CCDC63: variants seen among roughly 807,000 people sequenced by gnomAD.
The protein encoded by CCDC63 is coiled-coil domain containing 63.
Under a neutral mutation model 63.6 loss-of-function variants are expected in CCDC63, and 54 were observed. The ratio of observed to expected loss-of-function variants is 0.85; its 90% confidence interval spans 0.68 to 1.07. The LOEUF is 1.07. CCDC63 is among the 50% of genes least tolerant of loss of function. The pLI, the probability that CCDC63 is intolerant of heterozygous loss-of-function variation, is 0.00. For missense variants in CCDC63, 637 were observed against 689.6 expected (o/e 0.92, Z 0.86); for synonymous variants, 253 against 266.1 (o/e 0.95, Z 0.48).
intron 9 of CCDC63, among the ~76,000 whole-genome samples, chr12:110,895,156 C>G (rs1032545231): frequency 2.6e-5 from 4 of 152,096 alleles, no homozygotes; most frequent in African/African-American, 9.7e-5. Flanking sequence ...CTCTGTCGCC[C>G]AGGCTGGAAT....
At chr12:110,866,402 G>A (rs2070949336) in intron 4 of CCDC63, among the ~76,000 whole-genome samples, 1 of 149,438 alleles carries the variant, frequency 6.7e-6, no homozygotes, top group Non-Finnish European at 1.5e-5. Flanking sequence ...CATAGTGGAG[G>A]GAAGGTCAGC....
At chr12:110,875,326 A>G (rs1050684974) in intron 5 of CCDC63, among the ~76,000 whole-genome samples, 34 of 152,268 alleles carry the variant, frequency 2.2e-4, no homozygotes, top group Admixed American at 1.8e-3. Context: ...TGAAGGTCCC[A>G]TTGGTTAAGA....
chr12:110,867,072 C>G (rs1261759074), intron 4 of CCDC63, among the ~76,000 whole-genome samples: 1 of 140,856 alleles, frequency 7.1e-6, no homozygotes, highest in Non-Finnish European at 1.6e-5. Flanking sequence ...TAGGGGCGGC[C>G]GGGCAGAGGC....
chr12:110,879,666 A>G (rs975305623), intron 5 of CCDC63, among the ~76,000 whole-genome samples: 2 of 152,130 alleles, frequency 1.3e-5, no homozygotes, highest in South Asian at 4.1e-4. Flanking sequence ...TTAGGTCTAA[A>G]AGTAGTTGAG....
intron 4 of CCDC63, among the ~76,000 whole-genome samples, chr12:110,866,565 C>T (rs1392768198): frequency 6.8e-6 from 1 of 147,088 alleles, no homozygotes; most frequent in Non-Finnish European, 1.5e-5. Flanking sequence ...CAAAGCACAT[C>T]TTGCACCGCC....
At chr12:110,903,308 G>A (rs2071515202) in intron 10 of CCDC63, among the ~76,000 whole-genome samples, 1 of 152,184 alleles carries the variant, frequency 6.6e-6, no homozygotes, top group Admixed American at 6.5e-5. Context: ...CGGCCTGGAT[G>A]GTAATATTTT....
chr12:110,855,375 C>T (rs971130313), intron 3 of CCDC63, among the ~76,000 whole-genome samples: 23 of 152,144 alleles, frequency 1.5e-4, no homozygotes, highest in African/African-American at 5.1e-4. Flanking sequence ...TGACCTGATT[C>T]GCAAGCCTAC....
intron 4 of CCDC63, among the ~76,000 whole-genome samples, chr12:110,861,414 C>G (rs145309617): frequency 1.3e-5 from 2 of 152,352 alleles, no homozygotes; most frequent in East Asian, 3.9e-4. Context: ...CCCCCACCTG[C>G]TCTGTGTTCC....
At chr12:110,867,500 G>C (rs2070980963) in intron 4 of CCDC63, among the ~76,000 whole-genome samples, 1 of 95,750 alleles carries the variant, frequency 1.0e-5, no homozygotes, top group African/African-American at 4.5e-5. Flanking sequence ...CTCACCTCCG[G>C]GATGGGGCGG....
chr12:110,880,434 T>G (rs1178113405), intron 6 of CCDC63, among the ~76,000 whole-genome samples: 2 of 152,124 alleles, frequency 1.3e-5, no homozygotes, highest in Non-Finnish European at 2.9e-5. Context: ...CAAGTGCCCC[T>G]GCCTCTAGTC....
At chr12:110,884,984 A>G (rs2071260552) in intron 8 of CCDC63, among the ~76,000 whole-genome samples, 1 of 150,874 alleles carries the variant, frequency 6.6e-6, no homozygotes, top group Non-Finnish European at 1.5e-5. Flanking sequence ...TATAGATGTG[A>G]GCCACCACAC....
chr12:110,886,968 T>A (rs967820298), intron 8 of CCDC63, among the ~76,000 whole-genome samples: 4 of 152,170 alleles, frequency 2.6e-5, no homozygotes, highest in Non-Finnish European at 4.4e-5. Context: ...CAGCATCTCC[T>A]GCACAAGGAC....
chr12:110,858,887 C>T, intron 4 of CCDC63, 112 bp downstream of exon 4: 2 of 847,998 alleles, frequency 2.4e-6, no homozygotes, highest in Non-Finnish European at 3.7e-6. Context: ...CACAGTATCT[C>T]CTCTGGACAG....
intron 3 of CCDC63, among the ~76,000 whole-genome samples, chr12:110,854,899 A>G (rs976724782): frequency 1.3e-5 from 2 of 151,790 alleles, no homozygotes; most frequent in African/African-American, 4.8e-5. Flanking sequence ...CTCAGACTCA[A>G]GCGATTCTCC....
At position 110,882,566 on chromosome 12, in the gene CCDC63, TA is replaced by T. The variant is rs796427158; in HGVS notation, c.853+1281del. On this transcript the variant is annotated intron_variant, in intron 7 of 11. Transcript: ENST00000308208. ...GGTGACAGAGTGAGACCCTGTCTCT[TA>T]AAAAAAAAAAGGTTATCTCATAGTG... Among the ~76,000 whole-genome samples, 603 of 144,998 alleles carry T rather than the reference TA, an allele frequency of 4.2e-3. 1 individual carries two copies. The highest frequency in any genetic ancestry group is 9.2e-3 in the African/African-American group (367 of 39,800).
intron 6 of CCDC63, among the ~76,000 whole-genome samples, chr12:110,880,772 AATG>A (rs1165167618): frequency 3.8e-5 from 2 of 52,490 alleles, no homozygotes; most frequent in African/African-American, 1.6e-4. Context: ...TAGTGGTGAT[AATG>A]ATGATGGTGG....
chr12:110,890,361 A>AAAAAGC (rs2071341093), intron 8 of CCDC63, among the ~76,000 whole-genome samples: 1 of 152,148 alleles, frequency 6.6e-6, no homozygotes, highest in Non-Finnish European at 1.5e-5. Flanking sequence ...ACAGGGGGAA[A>AAAAAGC]AAAAGCAAGA....
chr12:110,887,276 C>T (rs576280816), intron 8 of CCDC63, among the ~76,000 whole-genome samples: 2 of 152,050 alleles, frequency 1.3e-5, no homozygotes, highest in East Asian at 3.9e-4. Flanking sequence ...ACAGGCAGAG[C>T]CACCACACCT....
chr12:110,904,891 G>A, intron 11 of CCDC63, 100 bp downstream of exon 11: 1 of 932,862 alleles, frequency 1.1e-6, no homozygotes, highest in South Asian at 1.8e-5. Context: ...CTGCAGTGTT[G>A]AACCTCGGTT....
Sources: allele counts gnomAD v4.1 joint callset (sites outside exome capture counted in the v4.1 genomes callset), GRCh38; gene constraint gnomAD v4.1.1; transcripts MANE v1.5; gene names NCBI Gene and HGNC (gene_info 2026-07-23, HGNC 2026-07-21).